Variants in ERGIC1 observed in about 807,000 individuals in gnomAD.
The protein encoded by ERGIC1 is endoplasmic reticulum-golgi intermediate compartment 1.
ERGIC1 carries 19 observed loss-of-function variants against 38.3 expected under a neutral mutation model. That is an observed-to-expected ratio of 0.50 (90% CI 0.35 to 0.73). ERGIC1 has a LOEUF of 0.73. ERGIC1 is among the 30% of genes least tolerant of loss of function. The pLI, the probability that ERGIC1 is intolerant of heterozygous loss-of-function variation, is 0.01. For missense variants in ERGIC1, 294 were observed against 389.2 expected, an observed-to-expected ratio of 0.76 and a Z score of 2.06; for synonymous variants, 124 against 157.6, an observed-to-expected ratio of 0.79 and a Z score of 1.60.
At chr5:172,850,044 G>A (rs1344824520) in intron 1 of ERGIC1, among the ~76,000 whole-genome samples, 1 of 152,166 alleles carries the variant, frequency 6.6e-6, no homozygotes, top group East Asian at 1.9e-4. Context: ...GTGTGTCAAC[G>A]TCGTGTGCTG....
intron 1 of ERGIC1, among the ~76,000 whole-genome samples, chr5:172,883,021 C>T (rs1410476940): frequency 1.3e-5 from 2 of 152,158 alleles, no homozygotes; most frequent in Non-Finnish European, 2.9e-5. Flanking sequence ...TAGCCTCAAT[C>T]TTCTGGTCTC....
chr5:172,844,225 C>T (rs945662638), intron 1 of ERGIC1, among the ~76,000 whole-genome samples: 4 of 152,210 alleles, frequency 2.6e-5, no homozygotes, highest in Admixed American at 6.5e-5. Context: ...CACACTCAGG[C>T]GCCCCTACCT....
At position 172,930,475 on chromosome 5, in the gene ERGIC1, C is replaced by T. The variant is rs1166083300; in HGVS notation, c.542-1961C>T. On this transcript the variant is annotated intron_variant, in intron 7 of 9. Coordinates refer to ENST00000393784, the MANE Select transcript of ERGIC1 (RefSeq NM_001031711.3). ...CTCCTGCCTCAGCCTCCCTAGTAGC[C>T]GGGACTACAGGTGTGTGCCACCAGG... Among the ~76,000 whole-genome samples, 6 of 151,752 alleles carry T rather than the reference C, an allele frequency of 4.0e-5. No homozygotes were observed. In the South Asian group the frequency reaches 1.0e-3, roughly 26 times the overall value.
intron 3 of ERGIC1, 108 bp from the exon 4 acceptor site, chr5:172,909,559 G>A (rs1462941827): frequency 3.0e-6 from 3 of 991,036 alleles, no homozygotes; most frequent in Admixed American, 1.8e-5. Context: ...GGTGGAGTCT[G>A]GGTTATCTAA....
At chr5:172,917,740 A>C (rs564447693) in intron 5 of ERGIC1, 2 of 152,322 alleles carry the variant, frequency 1.3e-5, no homozygotes, top group East Asian at 3.9e-4. Context: ...ATCTGCGATG[A>C]ATGTAGGCCA....
chr5:172,893,436 C>T (rs894334524), intron 2 of ERGIC1, among the ~76,000 whole-genome samples: 2 of 152,166 alleles, frequency 1.3e-5, no homozygotes, highest in Admixed American at 6.5e-5. Flanking sequence ...GCATGAGCCA[C>T]CATGCCCGGC....
chr5:172,897,984 G>T, intron 3 of ERGIC1: 1 of 412,590 alleles, frequency 2.4e-6, no homozygotes, highest in Non-Finnish European at 4.4e-6. Flanking sequence ...GGATTATGCA[G>T]TCACGACCTC....
intron 4 of ERGIC1, among the ~76,000 whole-genome samples, chr5:172,910,407 A>G (rs1226666070): frequency 6.6e-6 from 1 of 152,192 alleles, no homozygotes; most frequent in Non-Finnish European, 1.5e-5. Flanking sequence ...GCGGTCCACC[A>G]TCCATGAGAG....
At chr5:172,909,572 T>C (rs2113379738) in intron 3 of ERGIC1, 95 bp from the exon 4 acceptor site, 1 of 1,139,852 alleles carries the variant, frequency 8.8e-7, no homozygotes, top group East Asian at 2.4e-5. Flanking sequence ...TTATCTAAGT[T>C]GTGGTCACCA....
chr5:172,930,638 C>T (rs752766977), intron 7 of ERGIC1, among the ~76,000 whole-genome samples: 1 of 152,122 alleles, frequency 6.6e-6, no homozygotes, highest in African/African-American at 2.4e-5. Context: ...CCACCACATC[C>T]GGCCTTGTAC....
intron 5 of ERGIC1, among the ~76,000 whole-genome samples, chr5:172,919,632 C>T (rs934975919): frequency 3.3e-5 from 5 of 152,240 alleles, no homozygotes; most frequent in African/African-American, 9.6e-5. Flanking sequence ...CTCTGAGCCT[C>T]AGGTTCCTCA....
chr5:172,854,531 C>A (rs1761494924), intron 1 of ERGIC1, among the ~76,000 whole-genome samples: 1 of 152,266 alleles, frequency 6.6e-6, no homozygotes, highest in African/African-American at 2.4e-5. Flanking sequence ...CAGGCACCCC[C>A]ACCCACCTAC....
intron 5 of ERGIC1, chr5:172,918,464 A>T (rs540720485): frequency 5.9e-5 from 9 of 152,370 alleles, no homozygotes; most frequent in African/African-American, 2.2e-4. Flanking sequence ...AGGTGGGGAG[A>T]TGCGGGGGTA....
intron 1 of ERGIC1, among the ~76,000 whole-genome samples, chr5:172,859,060 C>T (rs528065615): frequency 1.3e-5 from 2 of 152,160 alleles, no homozygotes; most frequent in South Asian, 4.1e-4. Flanking sequence ...TCGTCATCGG[C>T]GCCCTTACCG....
At chr5:172,876,175 A>G (rs538444003) in intron 1 of ERGIC1, among the ~76,000 whole-genome samples, 45 of 152,264 alleles carry the variant, frequency 3.0e-4, no homozygotes, top group Non-Finnish European at 5.0e-4. Flanking sequence ...CAGATGGATC[A>G]CTGCATTCAG....
intron 9 of ERGIC1, among the ~76,000 whole-genome samples, chr5:172,938,252 G>A (rs1295754397): frequency 5.3e-5 from 8 of 152,178 alleles, no homozygotes; most frequent in East Asian, 1.9e-4. Flanking sequence ...CCACACCCAC[G>A]ATAAGCCACA....
At chr5:172,851,299 A>T (rs760490300) in intron 1 of ERGIC1, among the ~76,000 whole-genome samples, 3 of 151,822 alleles carry the variant, frequency 2.0e-5, no homozygotes, top group Admixed American at 2.0e-4. Context: ...ACCTGAGGTC[A>T]GGAGTTCAAG....
At chr5:172,848,263 C>T (rs974651191) in intron 1 of ERGIC1, among the ~76,000 whole-genome samples, 4 of 152,138 alleles carry the variant, frequency 2.6e-5, no homozygotes, top group Non-Finnish European at 5.9e-5. Flanking sequence ...CATGATGGTT[C>T]CAGGCTATTG....
chr5:172,920,943 T>A (rs1359257680), intron 5 of ERGIC1, among the ~76,000 whole-genome samples: 1 of 152,244 alleles, frequency 6.6e-6, no homozygotes, highest in Non-Finnish European at 1.5e-5. Flanking sequence ...CAGGCATTAT[T>A]TTTATCGGTG....
Sources: gnomAD v4.1 joint callset for allele counts (sites outside exome capture counted in the v4.1 genomes callset) on GRCh38, gnomAD v4.1.1 for gene constraint, MANE v1.5 for transcripts, NCBI Gene and HGNC (gene_info 2026-07-23, HGNC 2026-07-21) for gene names.